POLR3B: variants seen among roughly 807,000 people sequenced by gnomAD.
POLR3B encodes RNA polymerase III subunit B.
A neutral mutation model predicts 147.4 loss-of-function variants in POLR3B; 96 were observed. The observed-to-expected ratio is 0.65, with a 90% CI of 0.55 to 0.77. The LOEUF is 0.77. Ranked by LOEUF, POLR3B falls within the 30% of genes least tolerant of loss-of-function variation. The pLI, the probability that POLR3B is intolerant of heterozygous loss-of-function variation, is 0.00. For synonymous variants in POLR3B, 461 were observed against 485.9 expected, an observed-to-expected ratio of 0.95 and a Z score of 0.67; for missense variants, 1,036 against 1,413.5, an observed-to-expected ratio of 0.73 and a Z score of 4.28.
At chr12:106,476,905 T>G (rs2137052109) in intron 23 of POLR3B, among the ~76,000 whole-genome samples, 1 of 152,020 alleles carries the variant, frequency 6.6e-6, no homozygotes, top group East Asian at 1.9e-4. Context: ...GTTCCGTTGC[T>G]GGTGAGGAAC....
chr12:106,420,466 C>T (rs904857225), intron 12 of POLR3B, among the ~76,000 whole-genome samples: 7 of 152,160 alleles, frequency 4.6e-5, no homozygotes, highest in Non-Finnish European at 8.8e-5. Flanking sequence ...TTTTTATTAA[C>T]GTGGCCTACC....
chr12:106,415,073 C>G (rs902418875), intron 12 of POLR3B, among the ~76,000 whole-genome samples: 1 of 152,168 alleles, frequency 6.6e-6, no homozygotes, highest in Non-Finnish European at 1.5e-5. Flanking sequence ...TGTGCCACTT[C>G]CTAAATATAT....
At chr12:106,396,109 A>G (rs1038372054) in intron 10 of POLR3B, among the ~76,000 whole-genome samples, 2 of 152,172 alleles carry the variant, frequency 1.3e-5, no homozygotes, top group Non-Finnish European at 2.9e-5. Flanking sequence ...AGCGGGGGAT[A>G]GGAGGCACTA....
At chr12:106,399,682 C>T (rs375318520) in intron 10 of POLR3B, among the ~76,000 whole-genome samples, 2 of 152,086 alleles carry the variant, frequency 1.3e-5, no homozygotes, top group Non-Finnish European at 2.9e-5. Flanking sequence ...TCAACATTCT[C>T]AAAGAAAAGA....
At chr12:106,489,847 G>C (rs1278648847) in intron 23 of POLR3B, among the ~76,000 whole-genome samples, 1 of 152,138 alleles carries the variant, frequency 6.6e-6, no homozygotes, top group Non-Finnish European at 1.5e-5. Flanking sequence ...GATAGCTTTG[G>C]CTGTCTGCTT....
At chr12:106,468,105 TATTA>T (rs1277810168) in intron 23 of POLR3B, among the ~76,000 whole-genome samples, 1 of 152,244 alleles carries the variant, frequency 6.6e-6, no homozygotes, top group Non-Finnish European at 1.5e-5. Flanking sequence ...GTTGGTAGGC[TATTA>T]ATTATTGCCT....
intron 19 of POLR3B, chr12:106,446,201 T>C: frequency 2.2e-6 from 1 of 455,334 alleles, no homozygotes; most frequent in Admixed American, 2.4e-5. Flanking sequence ...TTTTGTTTCA[T>C]GATGTGAATC....
rs757853544 is a variant in POLR3B, at chr12:106,496,776, G to T, written c.2842G>T (p.Ala948Ser). 1.2e-6 allele frequency: 2 copies of T among 1,614,010 alleles called. No homozygotes were observed. Among genetic ancestry groups the T allele is most frequent in the Non-Finnish European group, 1.7e-6 (2 of 1,180,020 alleles). The change falls in exon 25 of 28, where the codon GCT (alanine) becomes TCT (serine). Residue 948 changes from alanine to serine, a missense_variant. Ala to Ser is a moderately conservative substitution (Grantham distance 99, BLOSUM62 1). Coordinates refer to ENST00000228347, the MANE Select transcript of POLR3B (RefSeq NM_018082.6). ...GGTGGGGAAGCTCATTGAGCTGCTG[G>T]CTGGCAAGGCCGGTGTGCTGGACGG... ...MTVGKLIELL[A>S]GKAGVLDGRF...
chr12:106,492,138 T>C (rs2038414837), intron 23 of POLR3B, among the ~76,000 whole-genome samples: 1 of 152,220 alleles, frequency 6.6e-6, no homozygotes, highest in Non-Finnish European at 1.5e-5. Flanking sequence ...TAATTTTTCT[T>C]ACCATTTTTT....
intron 23 of POLR3B, among the ~76,000 whole-genome samples, chr12:106,468,455 T>TTCTGC (rs2038039105): frequency 6.6e-6 from 1 of 152,208 alleles, no homozygotes; most frequent in African/African-American, 2.4e-5. Context: ...TCTCCTTCAG[T>TTCTGC]TCTGCTCTGA....
intron 9 of POLR3B, among the ~76,000 whole-genome samples, chr12:106,389,117 C>T (rs1035435699): frequency 6.6e-6 from 1 of 152,136 alleles, no homozygotes; most frequent in Non-Finnish European, 1.5e-5. Context: ...TAAATTATGT[C>T]TTTAAAGTAA....
At chr12:106,368,105 C>G (rs2036556922) in intron 4 of POLR3B, among the ~76,000 whole-genome samples, 1 of 151,946 alleles carries the variant, frequency 6.6e-6, no homozygotes, top group Non-Finnish European at 1.5e-5. Flanking sequence ...CAGACTGTTT[C>G]AGCTTTGACC....
chr12:106,480,020 T>A (rs2038244591), intron 23 of POLR3B, among the ~76,000 whole-genome samples: 1 of 151,222 alleles, frequency 6.6e-6, no homozygotes. Context: ...TGGCTTTTTT[T>A]ATTATTATTA....
intron 23 of POLR3B, among the ~76,000 whole-genome samples, chr12:106,492,859 TCTAA>T (rs1037953200): frequency 4.6e-5 from 7 of 152,210 alleles, no homozygotes; most frequent in African/African-American, 1.4e-4. Context: ...CCCTTTCTGC[TCTAA>T]CTTTCTGTGA....
intron 22 of POLR3B, among the ~76,000 whole-genome samples, chr12:106,461,809 G>T (rs1467440933): frequency 1.3e-5 from 2 of 151,992 alleles, no homozygotes; most frequent in South Asian, 2.1e-4. Context: ...CTCCCATCCT[G>T]CCTGGCCTTG....
intron 23 of POLR3B, among the ~76,000 whole-genome samples, chr12:106,477,725 C>T (rs1048130474): frequency 9.2e-5 from 14 of 152,022 alleles, no homozygotes; most frequent in African/African-American, 2.7e-4. Context: ...CTTCGGCTCG[C>T]GCAGGGTACG....
chr12:106,358,436 C>T (rs2036420740), intron 1 of POLR3B, among the ~76,000 whole-genome samples: 1 of 152,172 alleles, frequency 6.6e-6, no homozygotes, highest in African/African-American at 2.4e-5. Flanking sequence ...ATTTTAAACG[C>T]CCTCAATATT....
intron 11 of POLR3B, among the ~76,000 whole-genome samples, chr12:106,406,648 G>GGTGACA (rs1238115349): frequency 5.3e-5 from 8 of 152,136 alleles, no homozygotes; most frequent in African/African-American, 7.2e-5. Flanking sequence ...TCACCCAGCT[G>GGTGACA]GTTAGTGGTA....
At chr12:106,469,593 G>T (rs2038059728) in intron 23 of POLR3B, among the ~76,000 whole-genome samples, 1 of 152,168 alleles carries the variant, frequency 6.6e-6, no homozygotes, top group Non-Finnish European at 1.5e-5. Flanking sequence ...GGTACCGGTT[G>T]TTCCTTTCCA....
Sources: gnomAD v4.1 joint callset for allele counts (sites outside exome capture counted in the v4.1 genomes callset) on GRCh38, gnomAD v4.1.1 for gene constraint, MANE v1.5 for transcripts, NCBI Gene and HGNC (gene_info 2026-07-23, HGNC 2026-07-21) for gene names.